The following SLC1A5 variants were observed in gnomAD, a reference collection of about 807,000 sequenced individuals.
SLC1A5 encodes solute carrier family 1 member 5.
A neutral mutation model predicts 34.9 loss-of-function variants in SLC1A5; 25 were observed. That is an observed-to-expected ratio of 0.72 (90% CI 0.52 to 1.00). SLC1A5 has a LOEUF of 1.00. Ranked by LOEUF, SLC1A5 falls within the 50% of genes least tolerant of loss-of-function variation. The pLI is 0.00. For synonymous variants in SLC1A5, 351 were observed against 341.2 expected, an observed-to-expected ratio of 1.03 and a Z score of -0.32; for missense variants, 637 against 740.0, an observed-to-expected ratio of 0.86 and a Z score of 1.61.
In SLC1A5 at chr19:46,787,187, T is replaced by C. The variant is rs1599737097; in HGVS notation, c.566+213A>G. 1 of 1,374,384 alleles carries C rather than the reference T, an allele frequency of 7.3e-7. No homozygotes were observed. The highest frequency in any genetic ancestry group is 9.5e-7 in the Non-Finnish European group (1 of 1,056,202). 85.1% of individuals were successfully genotyped at this position (1,374,384 alleles called of 1,614,324 possible). On this transcript the variant is annotated intron_variant, in intron 1 of 7. Coordinates refer to ENST00000542575, the MANE Select transcript of SLC1A5 (RefSeq NM_005628.3). The surrounding 1 kb of genome is among the most constrained non-coding windows in gnomAD (Gnocchi z 5.2). Reference sequence around the variant, plus strand: ...TTCTCCCTCTATAAGACCCCACTTATGTACCCAGGCCCCCAGATTTAGAAA... The same window carrying C: ...TTCTCCCTCTATAAGACCCCACTTACGTACCCAGGCCCCCAGATTTAGAAA...
In SLC1A5 at chr19:46,787,199, C is replaced by G; in HGVS notation, c.566+201G>C. The G allele has an allele frequency of 7.1e-7, 1 of 1,409,248 alleles. No individual in the cohort carries two copies. The highest frequency in any genetic ancestry group is 9.2e-7 in the Non-Finnish European group (1 of 1,083,368). 87.3% of individuals were successfully genotyped at this position (1,409,248 alleles called of 1,614,324 possible). ...AAGACCCCACTTATGTACCCAGGCC[C>G]CCAGATTTAGAAACCCCTTCCCCAG... On this transcript the variant is annotated intron_variant, in intron 1 of 7. Transcript: ENST00000542575. This position sits in a 1 kb window ranked among gnomAD's most constrained non-coding sequence, Gnocchi z 5.2.
chr19:46,782,346 A>AGAC, intron 4 of SLC1A5, 37 bp downstream of exon 4: 1 of 567,986 alleles, frequency 1.8e-6, no homozygotes, highest in Non-Finnish European at 3.2e-6. Flanking sequence ...CGACCCTCCA[A>AGAC]CCCCACCCAC....
intron 7 of SLC1A5, among the ~76,000 whole-genome samples, chr19:46,776,197 A>ATT (rs57733706): frequency 2.5e-5 from 3 of 121,786 alleles, no homozygotes; most frequent in Admixed American, 8.6e-5. Context: ...TAATTCCAGA[A>ATT]TTTTTTTTTT....
chr19:46,784,957 G>A (rs2055176645), intron 1 of SLC1A5: 2 of 1,065,182 alleles, frequency 1.9e-6, no homozygotes, highest in Middle Eastern at 3.7e-4. Flanking sequence ...AGAGTATGGG[G>A]GAGGATCTGG....
intron 4 of SLC1A5, 37 bp downstream of exon 4, chr19:46,782,346 A>AACCCCCCCCCCCCCCACC: frequency 5.3e-6 from 3 of 567,986 alleles, no homozygotes; most frequent in South Asian, 1.8e-5. Flanking sequence ...CGACCCTCCA[A>AACCCCCCCCCCCCCCACC]CCCCACCCAC....
intron 5 of SLC1A5, among the ~76,000 whole-genome samples, chr19:46,778,391 A>G (rs141557574): frequency 0.026 from 3,944 of 152,194 alleles, 140 homozygotes; most frequent in African/African-American, 0.089. Flanking sequence ...TCACACCACT[A>G]CACTCCAGCC....
At chr19:46,776,373 T>G (rs2055089313) in intron 7 of SLC1A5, among the ~76,000 whole-genome samples, 1 of 151,738 alleles carries the variant, frequency 6.6e-6, no homozygotes, top group African/African-American at 2.4e-5. Flanking sequence ...ACCCGGCTAA[T>G]TTTTTTGTAT....
intron 4 of SLC1A5, among the ~76,000 whole-genome samples, chr19:46,780,206 G>C (rs1193054262): frequency 6.6e-6 from 1 of 151,876 alleles, no homozygotes; most frequent in Non-Finnish European, 1.5e-5. Flanking sequence ...TTGTGGCTGG[G>C]GTCTGTAGTC....
chr19:46,785,797 T>G (rs1204905260), intron 1 of SLC1A5, among the ~76,000 whole-genome samples: 1 of 152,172 alleles, frequency 6.6e-6, no homozygotes, highest in Non-Finnish European at 1.5e-5. Context: ...GGAATGAGTT[T>G]GGCCGGGTGC....
chr19:46,787,440 GGGCATTTTCGGCACTGCCCGC>G lies in SLC1A5; in HGVS notation c.505_525del (p.Ala169_Ala175del). 6.2e-7 allele frequency: 1 copy of G among 1,601,856 alleles called. No individual in the cohort carries two copies. Among genetic ancestry groups the G allele is most frequent in the Non-Finnish European group, 8.5e-7 (1 of 1,175,134 alleles). On this transcript the variant is annotated inframe_deletion, in exon 1 of 8. Coordinates refer to ENST00000542575, the MANE Select transcript of SLC1A5 (RefSeq NM_005628.3). The surrounding 1 kb of genome is among the most constrained non-coding windows in gnomAD (Gnocchi z 5.2). ...AACGAATCGAGCACCTCCTTGCTGG[GGGCATTTTCGGCACTGCCCGC>G]GGCTCCCACGGAGGCGTTGATGGCG... is the stretch of plus-strand genomic sequence containing the variant.
intron 4 of SLC1A5, among the ~76,000 whole-genome samples, chr19:46,779,491 C>G (rs1461992833): frequency 4.7e-5 from 7 of 150,514 alleles, no homozygotes; most frequent in Admixed American, 4.6e-4. Flanking sequence ...CAGATTTGGA[C>G]TTCACATGGG....
rs2055193227 is a variant in SLC1A5, at chr19:46,787,302, G to A, written c.566+98C>T. 4 of 1,510,470 alleles carry A rather than the reference G, an allele frequency of 2.6e-6. No homozygotes were observed. The African/African-American group carries it at 4.2e-5, about 16-fold the overall frequency. 93.6% of individuals were successfully genotyped at this position (1,510,470 alleles called of 1,614,324 possible). On this transcript the variant is annotated intron_variant, in intron 1 of 7. Coordinates refer to ENST00000542575, the MANE Select transcript of SLC1A5 (RefSeq NM_005628.3). The surrounding 1 kb of genome is among the most constrained non-coding windows in gnomAD (Gnocchi z 5.2). ...AGTTTTCCTAAGACTCTAGAGGGAA[G>A]TCTCTGCTCCAGGGGCCCCAAAGCC...
At chr19:46,786,368 G>T (rs1205575150) in intron 1 of SLC1A5, among the ~76,000 whole-genome samples, 1 of 152,174 alleles carries the variant, frequency 6.6e-6, no homozygotes, top group Non-Finnish European at 1.5e-5. Flanking sequence ...GGGGAGGCCT[G>T]TGCTCATAAA....
intron 7 of SLC1A5, among the ~76,000 whole-genome samples, chr19:46,776,102 T>A (rs1599727416): frequency 6.6e-6 from 1 of 151,880 alleles, no homozygotes; most frequent in Non-Finnish European, 1.5e-5. Flanking sequence ...AAATTATAAT[T>A]CACCTACCAT....
In SLC1A5 at chr19:46,782,368, T is replaced by G; in HGVS notation, c.824+15A>C. 7.6e-6 allele frequency: 2 copies of G among 261,860 alleles called. No homozygotes were observed. Among genetic ancestry groups the G allele is most frequent in the Non-Finnish European group, 1.3e-5 (2 of 159,510 alleles). 16.2% of individuals were successfully genotyped at this position (261,860 alleles called of 1,614,324 possible). On this transcript the variant is annotated intron_variant, in intron 4 of 7. Coordinates refer to ENST00000542575, the MANE Select transcript of SLC1A5 (RefSeq NM_005628.3). ...CCAACCCCACCCACCCCCAGCCTCC[T>G]CTCCCACCACCTACCACATGATCCA... is the stretch of plus-strand genomic sequence containing the variant.
Position 46,777,424 on chromosome 19 carries a change from C to A in SLC1A5, c.1059-19G>T. 2 of 1,593,898 alleles carry A rather than the reference C, an allele frequency of 1.3e-6. No individual in the cohort carries two copies. The highest frequency in any genetic ancestry group is 1.7e-5 in the Admixed American group (1 of 57,960). ...GGCGGAACTGCAAGGGATGGGGGAGCTGAGTTAGGTTAACCTGCTGACCGG... is the reference window on the plus strand; with the variant it reads ...GGCGGAACTGCAAGGGATGGGGGAGATGAGTTAGGTTAACCTGCTGACCGG... On this transcript the variant is annotated intron_variant, in intron 5 of 7. Transcript: ENST00000542575.
intron 5 of SLC1A5, among the ~76,000 whole-genome samples, chr19:46,778,246 T>C (rs1252314834): frequency 6.6e-6 from 1 of 152,114 alleles, no homozygotes; most frequent in Non-Finnish European, 1.5e-5. Flanking sequence ...CTGGCCAACA[T>C]GGCGAAACCC....
intron 4 of SLC1A5, 41 bp downstream of exon 4, chr19:46,782,342 T>TGCCAACCCCCCCCCCCCCCCCCCCC: frequency 3.2e-5 from 17 of 523,358 alleles, no homozygotes; most frequent in East Asian, 8.1e-5. Flanking sequence ...AGACCGACCC[T>TGCCAACCCCCCCCCCCCCCCCCCCC]CCAACCCCAC....
chr19:46,787,784 G>A lies in SLC1A5; in HGVS notation c.182C>T (p.Ala61Val). 1 of 1,550,318 alleles carries A rather than the reference G, an allele frequency of 6.5e-7. No homozygotes were observed. Among genetic ancestry groups the A allele is most frequent in the Non-Finnish European group, 8.7e-7 (1 of 1,149,638 alleles). Residue 61 changes from alanine to valine, a missense_variant, in exon 1 of 8, where the codon GCC (alanine) becomes GTC (valine). Ala to Val is a moderately conservative substitution (Grantham distance 64). Transcript: ENST00000542575. The surrounding 1 kb of genome is among the most constrained non-coding windows in gnomAD (Gnocchi z 5.2). ...ANLLVLLTVV[A>V]VVAGVALGLG... is the part of the protein sequence containing the mutation. ...TCCCAGCGCCACGCCGGCCACCACG[G>A]CCACCACTGTCAGCAGCACAAGCAG... is the stretch of plus-strand genomic sequence containing the variant.
Sources: allele counts gnomAD v4.1 joint callset (sites outside exome capture counted in the v4.1 genomes callset), GRCh38; gene constraint gnomAD v4.1.1; non-coding constraint Gnocchi (gnomAD v3.1); transcripts MANE v1.5; gene names NCBI Gene and HGNC (gene_info 2026-07-23, HGNC 2026-07-21).